The following MADD variants were observed in gnomAD, a reference collection of about 807,000 sequenced individuals.
MADD encodes the protein MAP kinase-activating death domain protein.
In MADD, 109 loss-of-function variants were observed where a neutral mutation model predicts 176.7. The observed-to-expected ratio is 0.62, with a 90% CI of 0.53 to 0.72. The LOEUF (loss-of-function observed/expected upper bound fraction) is 0.72. MADD is among the 30% of genes least tolerant of loss of function. MADD has a pLI of 0.00. For synonymous variants in MADD, 771 were observed against 771.3 expected (o/e 1.00, Z 0.01); for missense variants, 1,914 against 2,045.5 (o/e 0.94, Z 1.24).
At chr11:47,328,549 CA>C in intron 31 of MADD, 108 bp from the exon 36 acceptor site, 1 of 1,558,312 alleles carries the variant, frequency 6.4e-7, no homozygotes, top group Non-Finnish European at 8.7e-7. Flanking sequence ...TGTGAGAGGC[CA>C]CAGAGGGGAA....
intron 7 of MADD, among the ~76,000 whole-genome samples, chr11:47,279,975 T>C (rs890629889): frequency 2.0e-5 from 3 of 151,974 alleles, no homozygotes; most frequent in African/African-American, 7.2e-5. Context: ...GAGGCTGAGG[T>C]AGAAGAATCA....
At chr11:47,278,066 G>A (rs1052243663) in intron 5 of MADD, 99 bp from the exon 6 acceptor site, 15 of 801,362 alleles carry the variant, frequency 1.9e-5, no homozygotes, top group Non-Finnish European at 3.0e-5. Context: ...TTTGGAAGAG[G>A]GATTGTATCT....
At chr11:47,309,763 C>T (rs926439255) in intron 25 of MADD, 151 bp downstream of exon 28, 1 of 618,294 alleles carries the variant, frequency 1.6e-6, no homozygotes, top group African/African-American at 1.8e-5. Context: ...TCTCTGCCAG[C>T]TTACAAATGT....
intron 2 of MADD, among the ~76,000 whole-genome samples, chr11:47,274,356 C>T (rs1021196871): frequency 2.6e-5 from 4 of 152,212 alleles, no homozygotes; most frequent in Non-Finnish European, 5.9e-5. Context: ...ATCTCCCCTT[C>T]GTTTCAGAAT....
intron 22 of MADD, among the ~76,000 whole-genome samples, chr11:47,297,930 A>G (rs2074381681): frequency 6.7e-6 from 1 of 148,162 alleles, no homozygotes; most frequent in Non-Finnish European, 1.5e-5. Context: ...CTGGGACTAC[A>G]GGCGCCCACC....
chr11:47,276,075 C>T, exon 4 of MADD: 1 of 1,614,248 alleles, frequency 6.2e-7, no homozygotes, highest in Non-Finnish European at 8.5e-7. Context: ...CTCCAGCCAG[C>T]TCTGACCTTT....
At chr11:47,289,539 G>C (rs1232972511) in intron 16 of MADD, 46 bp downstream of exon 17, 3 of 1,527,104 alleles carry the variant, frequency 2.0e-6, no homozygotes, top group Non-Finnish European at 2.7e-6. Flanking sequence ...GCAGAGGTGG[G>C]GTGGTTCCTC....
chr11:47,328,139 C>T (rs1201762744), intron 31 of MADD: 4 of 1,014,918 alleles, frequency 3.9e-6, no homozygotes, highest in African/African-American at 3.4e-5. Flanking sequence ...ATCATGTTAC[C>T]TCTTCATCCA....
intron 22 of MADD, among the ~76,000 whole-genome samples, chr11:47,308,136 T>C (rs1393005756): frequency 6.6e-6 from 1 of 152,244 alleles, no homozygotes; most frequent in Non-Finnish European, 1.5e-5. Context: ...AATTTAATTC[T>C]TGTAAAGTAG....
At chr11:47,281,286 G>C (rs772012602) in intron 7 of MADD, among the ~76,000 whole-genome samples, 61 of 152,174 alleles carry the variant, frequency 4.0e-4, no homozygotes, top group Admixed American at 9.8e-4. Flanking sequence ...AACGACTGTC[G>C]TGGACTTCAG....
intron 26 of MADD, 62 bp from the exon 30 acceptor site, chr11:47,315,158 C>A: frequency 1.0e-6 from 1 of 960,890 alleles, no homozygotes; most frequent in African/African-American, 1.6e-5. Flanking sequence ...ATGGGGAATT[C>A]TTGGCCCAGA....
At chr11:47,327,916 T>C in intron 31 of MADD, 1 of 985,354 alleles carries the variant, frequency 1.0e-6, no homozygotes, top group Non-Finnish European at 1.2e-6. Context: ...CCTGCATGGC[T>C]GGAGCGGGGG....
intron 22 of MADD, among the ~76,000 whole-genome samples, chr11:47,304,473 C>G (rs1380112886): frequency 6.6e-6 from 1 of 152,116 alleles, no homozygotes; most frequent in Non-Finnish European, 1.5e-5. Flanking sequence ...TCAGGCGATC[C>G]ACCCACCTCA....
chr11:47,270,449 A>G (rs1282290293), intron 1 of MADD, among the ~76,000 whole-genome samples: 1 of 133,452 alleles, frequency 7.5e-6, no homozygotes, highest in African/African-American at 2.8e-5. Context: ...GAGGGGGCTC[A>G]GGCTACTGGG....
intron 20 of MADD, 26 bp downstream of exon 22, chr11:47,294,009 G>C: frequency 6.4e-7 from 1 of 1,558,110 alleles, no homozygotes; most frequent in East Asian, 2.2e-5. Context: ...GTTGAAATTT[G>C]CAAGTATTAA....
At chr11:47,282,732 C>G in intron 9 of MADD, 81 bp from the exon 10 acceptor site, 1 of 1,595,654 alleles carries the variant, frequency 6.3e-7, no homozygotes, top group Non-Finnish European at 8.6e-7. Context: ...CTGCTTTAGA[C>G]TTTTTCCTGC....
intron 3 of MADD, 123 bp from the exon 4 acceptor site, chr11:47,275,776 G>A: frequency 1.1e-6 from 1 of 940,452 alleles, no homozygotes; most frequent in Non-Finnish European, 1.6e-6. Context: ...CTCAGAGACT[G>A]GGCTTTCTTA....
chr11:47,319,088 G>A (rs2093852979), intron 27 of MADD, among the ~76,000 whole-genome samples: 1 of 149,274 alleles, frequency 6.7e-6, no homozygotes, highest in Non-Finnish European at 1.5e-5. Flanking sequence ...GATTACAGGT[G>A]TGAGCTGCCA....
At chr11:47,303,361 C>G (rs2079610525) in intron 22 of MADD, among the ~76,000 whole-genome samples, 1 of 150,718 alleles carries the variant, frequency 6.6e-6, no homozygotes, top group Non-Finnish European at 1.5e-5. Context: ...ACCTCAGCCT[C>G]CTGAGTAGCT....
Sources: allele counts gnomAD v4.1 joint callset (sites outside exome capture counted in the v4.1 genomes callset), GRCh38; gene constraint gnomAD v4.1.1; transcripts MANE v1.5; gene names NCBI Gene and HGNC (gene_info 2026-07-23, HGNC 2026-07-21).